Variants in PIF1 observed in about 807,000 individuals in gnomAD.
PIF1 encodes ATP-dependent DNA helicase PIF1.
A neutral mutation model predicts 62.3 loss-of-function variants in PIF1; 67 were observed. That is an observed-to-expected ratio of 1.08 (90% CI 0.88 to 1.32). The LOEUF (loss-of-function observed/expected upper bound fraction) is 1.32, where lower values mean the gene tolerates loss of function less well. PIF1 is among the 40% of genes most tolerant of loss of function. The pLI is 0.00. For synonymous variants in PIF1, 364 were observed against 379.5 expected (o/e 0.96, Z 0.47); for missense variants, 886 against 866.1 (o/e 1.02, Z -0.29).
intron 9 of PIF1, chr15:64,818,675 A>G (rs1293726469): frequency 8.5e-6 from 3 of 354,444 alleles, no homozygotes; most frequent in African/African-American, 6.3e-5. Context: ...ATCTTGAGGG[A>G]TGGCCTCTAG....
chr15:64,816,187 A>G lies in PIF1; in HGVS notation c.*111T>C. 8 of 1,559,532 alleles carry G rather than the reference A, an allele frequency of 5.1e-6. No homozygotes were observed. The highest frequency in any genetic ancestry group is 6.1e-6 in the Non-Finnish European group (7 of 1,153,828). Reference sequence around the variant, plus strand: ...GGCTGAGAGTCCCTAAAAAATACAGAAGGGGACACTGCCTGCCTACTCCAG... The same window carrying G: ...GGCTGAGAGTCCCTAAAAAATACAGGAGGGGACACTGCCTGCCTACTCCAG... On this transcript the variant is annotated 3_prime_UTR_variant, in exon 13 of 13. Coordinates refer to ENST00000559239, the MANE Select transcript of PIF1 (RefSeq NM_001286496.2).
rs750911515 is a variant in PIF1, at chr15:64,823,816, G to T, written c.520C>A (p.Arg174=). ...GCCCCAGCCTGGGGCTCCACAGGCC[G>T]CTTCACCAGCGTAGTGTCCGGAACC... ...TRVPDTTLVK[R]PVEPQAGAEP... Residue 174 remains arginine, a synonymous_variant, in exon 2 of 13, where the codon CGG becomes AGG. Coordinates refer to ENST00000559239, the MANE Select transcript of PIF1 (RefSeq NM_001286496.2). 7.4e-7 allele frequency: 1 copy of T among 1,354,148 alleles called. No individual in the cohort carries two copies. The highest frequency in any genetic ancestry group is 9.6e-7 in the Non-Finnish European group (1 of 1,042,790). 83.9% of individuals were successfully genotyped at this position (1,354,148 alleles called of 1,614,324 possible). A position where few individuals can be genotyped will look rare whatever the true frequency, so the allele number is the denominator to read the frequency against.
In PIF1 at chr15:64,818,072, GAACC is replaced by G. The variant is rs1567083795; in HGVS notation, c.1544_1547del (p.Arg515ProfsTer45). The stretch of plus-strand genomic sequence containing the variant: ...GGATGACCTCAGTGACTCCACACAG[GAACC>G]GCACCTGGGGTAGCCCTAAGGAGAG... On this transcript the variant is annotated frameshift_variant, in exon 11 of 13. Transcript: ENST00000559239. LOFTEE classifies it high-confidence loss of function. The G allele has an allele frequency of 5.0e-6, 8 of 1,613,980 alleles. No individual in the cohort carries two copies. Among genetic ancestry groups the G allele is most frequent in the Non-Finnish European group, 6.8e-6 (8 of 1,179,964 alleles).
At chr15:64,823,254 T>TC (rs2084315816) in intron 2 of PIF1, 1 of 854 alleles carries the variant, frequency 1.2e-3, no homozygotes, top group African/African-American at 1.2e-3. Flanking sequence ...TCGCTCTCTC[T>TC]TTTTTTTTTT....
At chr15:64,826,721 CACACACAT>C (rs2084376697), upstream of PIF1, among the ~76,000 whole-genome samples, 3 of 130,718 alleles carry the variant, frequency 2.3e-5, no homozygotes, top group African/African-American at 8.6e-5. Context: ...TATATATATA[CACACACAT>C]ATATATATAT....
Position 64,821,181 on chromosome 15 carries a change from G to A in PIF1, c.1072C>T (p.Arg358Trp), listed in dbSNP as rs144866399. Residue 358 changes from arginine to tryptophan, a missense_variant, in exon 6 of 13, where the codon CGG (arginine) becomes TGG (tryptophan). Physicochemically the swap from Arg to Trp is moderately radical, Grantham distance 101. Transcript: ENST00000559239. ...PPVTKGSQPP[R>W]FCFQSKSWKR... Reference sequence around the variant, plus strand: ...GTGAGTAATACCTGGAAGCAGAACCGTGGGGGCTGGGAGCCCTTGGTCACA... The same window carrying A: ...GTGAGTAATACCTGGAAGCAGAACCATGGGGGCTGGGAGCCCTTGGTCACA... 5.7e-5 allele frequency: 92 copies of A among 1,614,062 alleles called. No individual in the cohort carries two copies. In the African/African-American group the frequency reaches 6.8e-4, roughly 12 times the overall value.
intron 11 of PIF1, 62 bp downstream of exon 11, chr15:64,817,884 G>A (rs2084212265): frequency 1.3e-6 from 2 of 1,537,950 alleles, no homozygotes; most frequent in Non-Finnish European, 1.8e-6. Flanking sequence ...AAGACACATA[G>A]ACTGCAACAT....
At chr15:64,826,669 C>CATACATAT (rs111251424), upstream of PIF1, among the ~76,000 whole-genome samples, 2 of 75,826 alleles carry the variant, frequency 2.6e-5, no homozygotes, top group Admixed American at 1.3e-4. Flanking sequence ...TATATATACA[C>CATACATAT]ACACACACAC....
upstream of PIF1, among the ~76,000 whole-genome samples, chr15:64,826,663 T>C (rs200745874): frequency 0.25 from 6,674 of 27,060 alleles, 577 homozygotes; most frequent in East Asian, 0.43. Flanking sequence ...TATATATATA[T>C]ATACACACAC....
At chr15:64,819,016 G>A (rs2084239424) in intron 9 of PIF1, 101 bp downstream of exon 9, 2 of 783,444 alleles carry the variant, frequency 2.6e-6, no homozygotes, top group Non-Finnish European at 3.8e-6. Context: ...TCAAAGCTGG[G>A]CCCACTGGCT....
intron 9 of PIF1, 164 bp from the exon 10 acceptor site, chr15:64,818,508 C>T: frequency 1.6e-6 from 1 of 625,056 alleles, no homozygotes; most frequent in East Asian, 2.8e-5. Flanking sequence ...GGGCAAGTTG[C>T]CTTATCTTCC....
In PIF1 at chr15:64,818,325, A is replaced by C; in HGVS notation, c.1460T>G (p.Leu487Ter). The C allele has an allele frequency of 1.2e-6, 2 of 1,613,870 alleles. No individual in the cohort carries two copies. The highest frequency in any genetic ancestry group is 1.7e-6 in the Non-Finnish European group (2 of 1,179,942). Residue 487 changes from leucine to a stop codon, truncating the protein, a stop_gained, in exon 10 of 13, where the codon TTA (leucine) becomes TGA (stop). Coordinates refer to ENST00000559239, the MANE Select transcript of PIF1 (RefSeq NM_001286496.2). LOFTEE classifies it high-confidence loss of function. ...LGAQVMLVKNLSVSRGLVNGA... is the reference protein window; with the variant it reads ...LGAQVMLVKN Reference sequence around the variant, plus strand: ...ATTCACCAGGCCCCGAGACACCGATAAGTTTTTCACCAGCATCACCTGCAA... The same window carrying C: ...ATTCACCAGGCCCCGAGACACCGATCAGTTTTTCACCAGCATCACCTGCAA...
In PIF1 at chr15:64,822,356, C is replaced by G. The variant is rs1000010407; in HGVS notation, c.727G>C (p.Gly243Arg). ...ACAGTGCCTGTGGGGGGCAGTGAGC[C>G]CAGGATTCGCTTTAGCAGATATGAC... ...GKSYLLKRIL[G>R]SLPPTGTVAT... is the part of the protein sequence containing the mutation. The change falls in exon 4 of 13, where the codon GGC (glycine) becomes CGC (arginine). Residue 243 changes from glycine to arginine, a missense_variant. Transcript: ENST00000559239. 1.2e-6 allele frequency: 2 copies of G among 1,613,920 alleles called. No individual in the cohort carries two copies. Among genetic ancestry groups the G allele is most frequent in the African/African-American group, 2.7e-5 (2 of 74,934 alleles).
At chr15:64,820,855 T>C (rs2084274159) in intron 7 of PIF1, 127 bp downstream of exon 7, 2 of 799,900 alleles carry the variant, frequency 2.5e-6, no homozygotes, top group Non-Finnish European at 4.1e-6. Context: ...AGGCTCCTCT[T>C]CCTGCATGGA....
intron 7 of PIF1, among the ~76,000 whole-genome samples, chr15:64,820,544 G>T (rs917084933): frequency 6.6e-6 from 1 of 152,152 alleles, no homozygotes; most frequent in East Asian, 1.9e-4. Context: ...CTACAGGTGC[G>T]TGCCACCACG....
chr15:64,816,594 G>T lies in PIF1; in HGVS notation c.1846C>A (p.Arg616=), dbSNP rs147060511. ...RVLHFYATLR[R]GRSLSLESPD... Reference sequence around the variant, plus strand: ...CTTACCAGACTGAGGCTCCTGCCCCGCCGCAGGGTGGCATAGAAGTGCAGC... The same window carrying T: ...CTTACCAGACTGAGGCTCCTGCCCCTCCGCAGGGTGGCATAGAAGTGCAGC... Residue 616 remains arginine, a synonymous_variant, in exon 12 of 13, where the codon CGG becomes AGG. Transcript: ENST00000559239. 6.2e-7 allele frequency: 1 copy of T among 1,613,410 alleles called. No homozygotes were observed. The highest frequency in any genetic ancestry group is 8.5e-7 in the Non-Finnish European group (1 of 1,179,846).
At position 64,821,181 on chromosome 15, in the gene PIF1, G is replaced by T; in HGVS notation, c.1072C>A (p.Arg358=). The change falls in exon 6 of 13, where the codon CGG becomes AGG. Residue 358 remains arginine, a synonymous_variant. Transcript: ENST00000559239. ...PPVTKGSQPP[R]FCFQSKSWKR... ...GTGAGTAATACCTGGAAGCAGAACC[G>T]TGGGGGCTGGGAGCCCTTGGTCACA... 1 of 1,614,180 alleles carries T rather than the reference G, an allele frequency of 6.2e-7. No individual in the cohort carries two copies. Among genetic ancestry groups the T allele is most frequent in the Non-Finnish European group, 8.5e-7 (1 of 1,180,040 alleles).
At chr15:64,822,995 C>T (rs1357360595) in intron 2 of PIF1, among the ~76,000 whole-genome samples, 3 of 152,116 alleles carry the variant, frequency 2.0e-5, no homozygotes, top group Admixed American at 2.0e-4. Context: ...GCCAGGGCCC[C>T]TTCTTATCCT....
rs745318914 is a variant in PIF1, at chr15:64,823,880, A to G, written c.456T>C (p.Pro152=). 4.3e-6 allele frequency: 6 copies of G among 1,391,632 alleles called. No homozygotes were observed. The Admixed American group carries it at 8.4e-5, about 20-fold the overall frequency. 86.2% of individuals were successfully genotyped at this position (1,391,632 alleles called of 1,614,324 possible). A position where few individuals can be genotyped will look rare whatever the true frequency, so the allele number is the denominator to read the frequency against. Residue 152 remains proline, a synonymous_variant, in exon 2 of 13, where the codon CCT becomes CCC. Transcript: ENST00000559239. ...TGAGCCGCCGCTCCTCGGGCTGCAC[A>G]GGGCTGATGGTGACGAAGTCGCGGG... is the stretch of plus-strand genomic sequence containing the variant. ...PRPRDFVTIS[P]VQPEERRLRA...
Sources: gnomAD v4.1 joint callset for allele counts (sites outside exome capture counted in the v4.1 genomes callset) on GRCh38, gnomAD v4.1.1 for gene constraint, MANE v1.5 for transcripts, NCBI Gene and HGNC (gene_info 2026-07-23, HGNC 2026-07-21) for gene names.